The following COA1 variants were observed in gnomAD, a reference collection of about 807,000 sequenced individuals.
COA1 encodes the protein cytochrome c oxidase assembly factor 1, also known as cytochrome c oxidase assembly factor 1 homolog.
Under a neutral mutation model 16.0 loss-of-function variants are expected in COA1, and 13 were observed. The ratio of observed to expected loss-of-function variants is 0.81; its 90% CI spans 0.53 to 1.29. The LOEUF is 1.29. COA1 is among the 50% of genes most tolerant of loss of function. The pLI, the probability that COA1 is intolerant of heterozygous loss-of-function variation, is 0.00. For missense variants in COA1, 179 were observed against 177.0 expected, an observed-to-expected ratio of 1.01 and a Z score of -0.06; for synonymous variants, 65 against 65.7, an observed-to-expected ratio of 0.99 and a Z score of 0.05.
At chr7:43,648,110 G>T (rs1327626797) in intron 2 of COA1, 2 of 197,472 alleles carry the variant, frequency 1.0e-5, no homozygotes, top group Non-Finnish European at 2.1e-5. Flanking sequence ...CTTGGGATGA[G>T]GAAACTCTGG....
At chr7:43,699,993 A>AG (rs1304235885) in intron 1 of COA1, among the ~76,000 whole-genome samples, 3 of 152,168 alleles carry the variant, frequency 2.0e-5, no homozygotes, top group African/African-American at 7.2e-5. Flanking sequence ...GGACAAGTGA[A>AG]GACTTAACTT....
At chr7:43,615,572 T>C (rs1168902522) in intron 6 of COA1, among the ~76,000 whole-genome samples, 2 of 152,200 alleles carry the variant, frequency 1.3e-5, no homozygotes, top group Non-Finnish European at 2.9e-5. Flanking sequence ...TAGGTGTTTT[T>C]TTCGTGAAGA....
rs1019294525 is a variant in COA1, at chr7:43,645,259, C to T, written c.256G>A (p.Asp86Asn). The T allele has an allele frequency of 1.2e-6, 2 of 1,613,976 alleles. No individual in the cohort carries two copies. Among genetic ancestry groups the T allele is most frequent in the Non-Finnish European group, 8.5e-7 (1 of 1,179,944 alleles). ...CAGGGAAAGCACATTACCTTGGCAT[C>T]AACAATGTCCACGAAGTTTTCCCTG... ...IDRENFVDIVDAKLKIPVSGS... is the reference protein window; with the variant it reads ...IDRENFVDIVNAKLKIPVSGS... Residue 86 changes from aspartate to asparagine, a missense_variant, in exon 4 of 6, where the codon GAT becomes AAT. Coordinates refer to ENST00000223336, the MANE Select transcript of COA1 (RefSeq NM_018224.4).
intron 1 of COA1, among the ~76,000 whole-genome samples, chr7:43,690,672 CCTAT>C (rs2094236193): frequency 6.6e-6 from 1 of 151,836 alleles, no homozygotes; most frequent in Non-Finnish European, 1.5e-5. Flanking sequence ...TTCCCAAAAA[CCTAT>C]TGAAATAGAA....
At chr7:43,618,705 A>G (rs2083573625) in intron 6 of COA1, among the ~76,000 whole-genome samples, 4 of 152,214 alleles carry the variant, frequency 2.6e-5, no homozygotes, top group Admixed American at 2.6e-4. Context: ...AAAGTATCTT[A>G]GGTTATTTTC....
chr7:43,644,790 G>GCAGGCAGA (rs1563229802), intron 4 of COA1, among the ~76,000 whole-genome samples: 1 of 39,502 alleles, frequency 2.5e-5, no homozygotes, highest in African/African-American at 8.5e-5. Context: ...AGGCAGGCAG[G>GCAGGCAGA]CAGAGAGACA....
At chr7:43,644,736 A>AGATAGATAGATAGATG (rs2088381831) in intron 4 of COA1, among the ~76,000 whole-genome samples, 1 of 84,758 alleles carries the variant, frequency 1.2e-5, no homozygotes, top group Non-Finnish European at 2.7e-5. Context: ...ATAGATAGAT[A>AGATAGATAGATAGATG]GATAGATAGA....
intron 1 of COA1, among the ~76,000 whole-genome samples, chr7:43,670,694 AAAC>A (rs1272631062): frequency 6.6e-6 from 1 of 152,216 alleles, no homozygotes; most frequent in Admixed American, 6.5e-5. Flanking sequence ...TATGTGAAGA[AAAC>A]AATGTAATGC....
Position 43,660,174 on chromosome 7 carries a change from C to G in COA1, c.-38-11522G>C, listed in dbSNP as rs575340343. ...ATTGATACACTCTATATACCCTTTC[C>G]TACTCCCCGACCCCAAGAACATCTC... On this transcript the variant is annotated intron_variant, in intron 1 of 5. Coordinates refer to ENST00000223336, the MANE Select transcript of COA1 (RefSeq NM_018224.4). Among the ~76,000 whole-genome samples the G allele has an allele frequency of 2.0e-5, 3 of 152,284 alleles. No individual in the cohort carries two copies. The South Asian group carries it at 6.2e-4, about 32-fold the overall frequency.
chr7:43,648,524 A>T, intron 2 of COA1, 76 bp downstream of exon 2: 4 of 1,476,682 alleles, frequency 2.7e-6, no homozygotes, highest in Non-Finnish European at 3.8e-6. Flanking sequence ...TCAGGGAGTG[A>T]CTTTCTTCTA....
intron 1 of COA1, among the ~76,000 whole-genome samples, chr7:43,700,620 TA>T (rs1333497539): frequency 2.0e-4 from 12 of 58,984 alleles, no homozygotes; most frequent in African/African-American, 6.0e-4. Context: ...GTGTGTGTGT[TA>T]GAGTAAGGTA....
intron 6 of COA1, chr7:43,622,504 T>C (rs903426408): frequency 6.6e-6 from 1 of 152,170 alleles, no homozygotes; most frequent in Non-Finnish European, 1.5e-5. Context: ...GATTCAGTAC[T>C]TATTGACTGC....
intron 6 of COA1, among the ~76,000 whole-genome samples, chr7:43,611,106 G>T (rs1156676056): frequency 6.6e-6 from 1 of 152,198 alleles, no homozygotes; most frequent in Non-Finnish European, 1.5e-5. Context: ...GACAGAATGA[G>T]ACTCCGTCTC....
chr7:43,632,122 A>G (rs2085237697), intron 6 of COA1: 2 of 153,084 alleles, frequency 1.3e-5, no homozygotes, highest in Non-Finnish European at 2.9e-5. Flanking sequence ...AATCCTCTCA[A>G]ACCCTGGCCA....
At chr7:43,661,299 T>G (rs1314366001) in intron 1 of COA1, among the ~76,000 whole-genome samples, 1 of 152,174 alleles carries the variant, frequency 6.6e-6, no homozygotes, top group Non-Finnish European at 1.5e-5. Flanking sequence ...TAACAGGATG[T>G]TACTAGATTT....
intron 1 of COA1, among the ~76,000 whole-genome samples, chr7:43,715,213 A>G (rs944726865): frequency 3.9e-5 from 6 of 152,260 alleles, no homozygotes; most frequent in African/African-American, 1.4e-4. Context: ...AAAAATTCAT[A>G]CATTTAACAT....
At chr7:43,638,639 A>C (rs2086344230), downstream of COA1, among the ~76,000 whole-genome samples, 1 of 142,750 alleles carries the variant, frequency 7.0e-6, no homozygotes, top group Non-Finnish European at 1.5e-5. Flanking sequence ...GCAGTGATGA[A>C]ATCTTGGCTC....
intron 1 of COA1, among the ~76,000 whole-genome samples, chr7:43,729,221 G>A (rs375870066): frequency 6.6e-6 from 1 of 152,208 alleles, no homozygotes; most frequent in Admixed American, 6.5e-5. Context: ...AACTCCGAGC[G>A]GACGGAGCCA....
chr7:43,626,161 C>T (rs2084512461), intron 6 of COA1: 1 of 152,344 alleles, frequency 6.6e-6, no homozygotes, highest in African/African-American at 2.4e-5. Flanking sequence ...CCTCGCTCTG[C>T]ACTATGAACA....
Sources: allele counts gnomAD v4.1 joint callset (sites outside exome capture counted in the v4.1 genomes callset), GRCh38; gene constraint gnomAD v4.1.1; transcripts MANE v1.5; gene names NCBI Gene and HGNC (gene_info 2026-07-23, HGNC 2026-07-21).